Variants in LARP1 observed in about 807,000 individuals in gnomAD.
The protein encoded by LARP1 is La ribonucleoprotein 1, translational regulator.
A neutral mutation model predicts 122.7 loss-of-function variants in LARP1; 36 were observed. That is an observed-to-expected ratio of 0.29 (90% CI 0.22 to 0.39). The LOEUF (loss-of-function observed/expected upper bound fraction) is 0.39. Among genes scored for constraint, LARP1 ranks in the 10% least tolerant of loss-of-function variants. LARP1 has a pLI of 1.00. For synonymous variants in LARP1, 539 were observed against 528.7 expected, an observed-to-expected ratio of 1.02 and a Z score of -0.27; for missense variants, 1,040 against 1,403.6, an observed-to-expected ratio of 0.74 and a Z score of 4.14.
intron 14 of LARP1, among the ~76,000 whole-genome samples, chr5:154,804,545 G>GA (rs1758601532): frequency 6.6e-6 from 1 of 152,140 alleles, no homozygotes; most frequent in Non-Finnish European, 1.5e-5. Flanking sequence ...CATGCAGAGA[G>GA]AAAATCTCTG....
rs1379329049 is a variant in LARP1 at position 154,805,868 on chromosome 5, G to T, written c.2547-13G>T. 1.2e-6 allele frequency: 2 copies of T among 1,609,654 alleles called. No individual in the cohort carries two copies. Among genetic ancestry groups the T allele is most frequent in the Admixed American group, 1.7e-5 (1 of 58,694 alleles). On this transcript the variant is annotated splice_polypyrimidine_tract_variant and intron_variant, in intron 14 of 18. Transcript: ENST00000518297. Reference sequence around the variant, plus strand: ...GGGGAACCTGGTGACAGTATTTTTTGTGGTTTCTGTAGCTCCAGCCCCTCA... The same window carrying T: ...GGGGAACCTGGTGACAGTATTTTTTTTGGTTTCTGTAGCTCCAGCCCCTCA...
In LARP1 at chr5:154,799,689, A is replaced by G. The variant is rs768576240; in HGVS notation, c.1476A>G (p.Ser492=). The G allele has an allele frequency of 3.7e-6, 6 of 1,614,066 alleles. No homozygotes were observed. The East Asian group carries it at 1.3e-4, about 36-fold the overall frequency. Residue 492 remains serine, a synonymous_variant, in exon 9 of 19, where the codon TCA becomes TCG. Coordinates refer to ENST00000518297, the MANE Select transcript of LARP1 (RefSeq NM_033551.3). ...CTCTTCCCCCAATAGTGGATTATTCACAGACTGATTTCTCCCAGCTTCTCA... is the reference window on the plus strand; with the variant it reads ...CTCTTCCCCCAATAGTGGATTATTCGCAGACTGATTTCTCCCAGCTTCTCA... ...KWPLPPIVDY[S]QTDFSQLLNC...
chr5:154,751,789 C>G (rs912475343), upstream of LARP1, among the ~76,000 whole-genome samples: 1 of 151,974 alleles, frequency 6.6e-6, no homozygotes, highest in African/African-American at 2.4e-5. Flanking sequence ...ATATATTAAA[C>G]TTTATTATAG....
intron 1 of LARP1, among the ~76,000 whole-genome samples, chr5:154,760,044 A>G (rs964633140): frequency 6.6e-6 from 1 of 151,972 alleles, no homozygotes; most frequent in Non-Finnish European, 1.5e-5. Flanking sequence ...GGTTCAAGCG[A>G]TTCTCCTGCC....
chr5:154,795,296 A>G lies in LARP1; in HGVS notation c.1354A>G (p.Thr452Ala). 2 of 1,613,718 alleles carry G rather than the reference A, an allele frequency of 1.2e-6. No homozygotes were observed. The highest frequency in any genetic ancestry group is 3.3e-5 in the Admixed American group (2 of 59,994). The stretch of plus-strand genomic sequence containing the variant: ...CTTCCACCGAGTGCAGGCCCTTACC[A>G]CTGACATTTCACTCATCTTTGCGGT... The part of the protein sequence containing the change: ...ASFHRVQALT[T>A]DISLIFAALK... The change falls in exon 8 of 19, where the codon ACT becomes GCT. Residue 452 changes from threonine (T) to alanine (A), a missense_variant. This residue lies in a region of LARP1 where 362 missense variants were observed against 533.1 expected (regional missense o/e 0.68). Coordinates refer to ENST00000518297, the MANE Select transcript of LARP1 (RefSeq NM_033551.3).
rs1561609884 is a variant in LARP1 at position 154,792,803 on chromosome 5, G to GA, written c.739+8dup. On this transcript the variant is annotated splice_region_variant and intron_variant, in intron 4 of 18. Transcript: ENST00000518297. ...GGCGGGCAGAAGAAGAAAGGTGAGT[G>GA]ACTGGGAGCAGGACTTGGGAGAAGG... 1 of 1,613,458 alleles carries GA rather than the reference G, an allele frequency of 6.2e-7. No individual in the cohort carries two copies. Among genetic ancestry groups the GA allele is most frequent in the Non-Finnish European group, 8.5e-7 (1 of 1,179,740 alleles).
rs773515790 is a variant in LARP1, at chr5:154,805,983, T to G, written c.2649T>G (p.Asn883Lys). 12 of 1,614,096 alleles carry G rather than the reference T, an allele frequency of 7.4e-6. No homozygotes were observed. Among genetic ancestry groups the G allele is most frequent in the Non-Finnish European group, 1.0e-5 (12 of 1,180,014 alleles). The change falls in exon 15 of 19, where the codon AAT becomes AAG. Residue 883 changes from asparagine (N) to lysine (K), a missense_variant. Physicochemically the swap from Asn to Lys is moderately conservative, Grantham distance 94 (BLOSUM62 0). Around this residue, in one of 8 missense-constraint regions of LARP1, gnomAD observed 59 missense variants for 137.2 expected, o/e 0.43. Transcript: ENST00000518297. The stretch of plus-strand genomic sequence containing the variant: ...CTTCCCATGAACTGCTCAAGGAAAA[T>G]GGCTTCACACAACACGTCTACCATA... ...QHPSHELLKE[N>K]GFTQHVYHKY...
intron 1 of LARP1, among the ~76,000 whole-genome samples, chr5:154,781,524 C>T (rs1171618724): frequency 2.0e-5 from 3 of 151,552 alleles, no homozygotes; most frequent in African/African-American, 4.9e-5. Flanking sequence ...TCCTGGGAGG[C>T]GGAGCTTGCA....
At chr5:154,797,859 A>G (rs1009098559) in intron 8 of LARP1, among the ~76,000 whole-genome samples, 2 of 151,786 alleles carry the variant, frequency 1.3e-5, no homozygotes, top group African/African-American at 2.4e-5. Flanking sequence ...TAATTTTTAA[A>G]TTTTTTGTAG....
chr5:154,807,636 G>T (rs576663206), intron 15 of LARP1, among the ~76,000 whole-genome samples: 10 of 152,038 alleles, frequency 6.6e-5, no homozygotes, highest in African/African-American at 2.4e-4. Flanking sequence ...CTGCAGTCTC[G>T]AACTATTGGG....
intron 1 of LARP1, among the ~76,000 whole-genome samples, chr5:154,787,380 T>C (rs1451900428): frequency 6.6e-6 from 1 of 152,210 alleles, no homozygotes; most frequent in Non-Finnish European, 1.5e-5. Context: ...CAGGCCCAGC[T>C]GAACCTGTAT....
At chr5:154,731,709 A>AT (rs1406487612) in intron 1 of LARP1, among the ~76,000 whole-genome samples, 2 of 152,114 alleles carry the variant, frequency 1.3e-5, no homozygotes, top group African/African-American at 4.8e-5. Flanking sequence ...TCGGCAAATC[A>AT]TTGGTAGAGG....
chr5:154,803,321 T>C lies in LARP1; in HGVS notation c.2141T>C (p.Met714Thr). The C allele has an allele frequency of 1.2e-6, 2 of 1,614,174 alleles. No individual in the cohort carries two copies. Among genetic ancestry groups the C allele is most frequent in the Non-Finnish European group, 1.7e-6 (2 of 1,180,040 alleles). ...QEVENFKKVN[M>T]ISREQFDTLT... ...GTCGAGAACTTCAAAAAGGTCAATATGATCAGCCGGGAGCAGTTTGACACA... is the reference window on the plus strand; with the variant it reads ...GTCGAGAACTTCAAAAAGGTCAATACGATCAGCCGGGAGCAGTTTGACACA... Residue 714 changes from methionine (M) to threonine (T), a missense_variant, in exon 12 of 19, where the codon ATG becomes ACG. By Grantham distance (81) the Met-to-Thr change is moderately conservative. Around this residue, in one of 8 missense-constraint regions of LARP1, gnomAD observed 362 missense variants for 533.1 expected, o/e 0.68. Coordinates refer to ENST00000518297, the MANE Select transcript of LARP1 (RefSeq NM_033551.3). This position sits in a 1 kb window ranked among gnomAD's most constrained non-coding sequence, Gnocchi z 4.4.
chr5:154,756,114 C>T lies in LARP1; in HGVS notation c.357C>T (p.Ala119=). 2 of 1,231,944 alleles carry T rather than the reference C, an allele frequency of 1.6e-6. No individual in the cohort carries two copies. The highest frequency in any genetic ancestry group is 3.1e-5 in the Admixed American group (1 of 32,590). 76.3% of individuals were successfully genotyped at this position (1,231,944 alleles called of 1,614,324 possible). ...CGGGGCGCCGGGACTTCGTGGAAGC[C>T]CCCCCGCCCAAGGTGAACCCGTGGA... ...AGAGRRDFVE[A]PPPKVNPWTK... Residue 119 remains alanine, a synonymous_variant, in exon 1 of 19, where the codon GCC becomes GCT. Transcript: ENST00000518297.
intron 1 of LARP1, among the ~76,000 whole-genome samples, chr5:154,713,873 G>A (rs1755347826): frequency 6.6e-6 from 1 of 152,320 alleles, no homozygotes; most frequent in South Asian, 2.1e-4. Flanking sequence ...GGTTGGGGGA[G>A]CTGAGGTCTC....
At chr5:154,741,971 T>C (rs1030492925) in intron 1 of LARP1, among the ~76,000 whole-genome samples, 1 of 152,186 alleles carries the variant, frequency 6.6e-6, no homozygotes, top group African/African-American at 2.4e-5. Context: ...TGTATTTTAT[T>C]CACATTAGGT....
chr5:154,758,812 A>G (rs1295131314), intron 1 of LARP1, among the ~76,000 whole-genome samples: 1 of 152,222 alleles, frequency 6.6e-6, no homozygotes, highest in East Asian at 1.9e-4. Flanking sequence ...CACATGCAGT[A>G]ACTAGTAATA....
rs375083450 is a variant in LARP1 at position 154,793,939 on chromosome 5, C to T, written c.1008C>T (p.Ser336=). 1.2e-6 allele frequency: 2 copies of T among 1,613,676 alleles called. No individual in the cohort carries two copies. The highest frequency in any genetic ancestry group is 1.7e-6 in the Non-Finnish European group (2 of 1,179,748). The change falls in exon 6 of 19, where the codon TCC becomes TCT. Residue 336 remains serine, a synonymous_variant. Coordinates refer to ENST00000518297, the MANE Select transcript of LARP1 (RefSeq NM_033551.3). The part of the protein sequence containing the change: ...KSDGAGGARA[S]FRGRGRGRGR... ...ATGGGGCTGGTGGGGCGCGGGCTTC[C>T]TTCCGTGGCCGTGGACGGGGGCGTG...
chr5:154,769,964 A>G (rs1447611247), intron 1 of LARP1, among the ~76,000 whole-genome samples: 1 of 152,232 alleles, frequency 6.6e-6, no homozygotes, highest in Admixed American at 6.5e-5. Context: ...CAAGGCCTGT[A>G]TGAATGAGGG....
Sources: allele counts gnomAD v4.1 joint callset (sites outside exome capture counted in the v4.1 genomes callset), GRCh38; gene constraint gnomAD v4.1.1; regional missense constraint gnomAD v4.1.1; non-coding constraint Gnocchi (gnomAD v3.1); transcripts MANE v1.5; gene names NCBI Gene and HGNC (gene_info 2026-07-23, HGNC 2026-07-21).